The following STAC variants were observed in gnomAD, a reference collection of about 807,000 sequenced individuals.
STAC encodes SH3 and cysteine-rich domain-containing protein.
Under a neutral mutation model 48.8 loss-of-function variants are expected in STAC, and 43 were observed. That is an observed-to-expected ratio of 0.88 (90% CI 0.69 to 1.14). STAC has a LOEUF of 1.14. Among genes scored for constraint, STAC ranks in the 50% most tolerant of loss-of-function variants. The probability of loss-of-function intolerance (pLI) is 0.00; values close to 1 mark genes in which losing one functional copy is unlikely to be tolerated. For synonymous variants in STAC, 193 were observed against 179.5 expected, an observed-to-expected ratio of 1.07 and a Z score of -0.60; for missense variants, 497 against 504.0, an observed-to-expected ratio of 0.99 and a Z score of 0.13.
At chr3:36,485,391 A>C (rs1697776857) in intron 4 of STAC, among the ~76,000 whole-genome samples, 1 of 152,202 alleles carries the variant, frequency 6.6e-6, no homozygotes, top group African/African-American at 2.4e-5. Flanking sequence ...CCCTATTGAC[A>C]ACTGTGTGTC....
Position 36,546,508 on chromosome 3 carries a change from G to T in STAC, c.*219G>T. ...GCCACAGGTGGGGACGAGGCTGAGAGAGTCAGCAGGCAGAGCCAGATGCCA... is the reference window on the plus strand; with the variant it reads ...GCCACAGGTGGGGACGAGGCTGAGATAGTCAGCAGGCAGAGCCAGATGCCA... On this transcript the variant is annotated 3_prime_UTR_variant, in exon 11 of 11. Coordinates refer to ENST00000273183, the MANE Select transcript of STAC (RefSeq NM_003149.3). 1 of 566,570 alleles carries T rather than the reference G, an allele frequency of 1.8e-6. No individual in the cohort carries two copies. Among genetic ancestry groups the T allele is most frequent in the South Asian group, 2.4e-5 (1 of 40,824 alleles). The allele number at this position is 566,570 out of a possible 1,614,324, so 35.1% of individuals were successfully genotyped here.
At chr3:36,480,453 T>C (rs932691008) in intron 2 of STAC, among the ~76,000 whole-genome samples, 1 of 152,026 alleles carries the variant, frequency 6.6e-6, no homozygotes, top group Non-Finnish European at 1.5e-5. Flanking sequence ...TCCTGAAGGG[T>C]TTTAAACTCT....
intron 2 of STAC, among the ~76,000 whole-genome samples, chr3:36,466,614 G>A (rs1009631959): frequency 2.0e-5 from 3 of 151,302 alleles, no homozygotes; most frequent in African/African-American, 7.3e-5. Context: ...AGCTATTCTG[G>A]AATGGATTGA....
intron 8 of STAC, among the ~76,000 whole-genome samples, chr3:36,507,605 G>C (rs113568428): frequency 2.0e-5 from 3 of 152,076 alleles, no homozygotes; most frequent in Admixed American, 1.3e-4. Flanking sequence ...ACTTGTTATT[G>C]GTCTATTCAG....
At chr3:36,418,345 C>T (rs1202923145) in intron 1 of STAC, among the ~76,000 whole-genome samples, 1 of 152,070 alleles carries the variant, frequency 6.6e-6, no homozygotes, top group East Asian at 1.9e-4. Flanking sequence ...TTTTAATACC[C>T]TGAAACAGAA....
At chr3:36,515,734 T>C (rs572484255) in intron 8 of STAC, among the ~76,000 whole-genome samples, 1 of 152,192 alleles carries the variant, frequency 6.6e-6, no homozygotes, top group South Asian at 2.1e-4. Flanking sequence ...TTTCTAGTCT[T>C]GTCTTTGTCC....
chr3:36,516,386 T>C (rs1698674310), intron 8 of STAC, among the ~76,000 whole-genome samples: 1 of 152,066 alleles, frequency 6.6e-6, no homozygotes, highest in Non-Finnish European at 1.5e-5. Context: ...GGTGAGTGAA[T>C]ACTTTTCTTA....
At chr3:36,539,830 A>G (rs945055543) in intron 10 of STAC, among the ~76,000 whole-genome samples, 5 of 152,126 alleles carry the variant, frequency 3.3e-5, no homozygotes, top group African/African-American at 1.2e-4. Context: ...GTTTTATTGT[A>G]ATAGTCTTGG....
intron 5 of STAC, among the ~76,000 whole-genome samples, chr3:36,488,368 C>T (rs1697872550): frequency 6.6e-6 from 1 of 152,216 alleles, no homozygotes; most frequent in Non-Finnish European, 1.5e-5. Context: ...GCCACTCATG[C>T]TTGGGCAGTG....
At chr3:36,537,887 A>T (rs181807809) in intron 10 of STAC, among the ~76,000 whole-genome samples, 2 of 152,044 alleles carry the variant, frequency 1.3e-5, no homozygotes, top group African/African-American at 4.8e-5. Context: ...ATTTAAATTG[A>T]TGCATAGTTT....
At chr3:36,483,701 C>T (rs1697719224) in intron 3 of STAC, among the ~76,000 whole-genome samples, 1 of 152,084 alleles carries the variant, frequency 6.6e-6, no homozygotes, top group Non-Finnish European at 1.5e-5. Flanking sequence ...GCCTATAATC[C>T]CAACACTTTG....
chr3:36,431,148 G>C (rs1424750886), intron 1 of STAC, among the ~76,000 whole-genome samples: 1 of 152,116 alleles, frequency 6.6e-6, no homozygotes. Flanking sequence ...TCAGAATCTA[G>C]AGAGCTCTAT....
At chr3:36,407,378 T>C (rs1289245299) in intron 1 of STAC, among the ~76,000 whole-genome samples, 2 of 152,196 alleles carry the variant, frequency 1.3e-5, no homozygotes, top group African/African-American at 2.4e-5. Flanking sequence ...TATCATGCTT[T>C]ATATTTCTGG....
chr3:36,497,171 A>G (rs1698170973), intron 6 of STAC, among the ~76,000 whole-genome samples: 1 of 152,190 alleles, frequency 6.6e-6, no homozygotes, highest in Admixed American at 6.5e-5. Context: ...GTACCACTCC[A>G]GTGGATATTT....
chr3:36,461,922 A>G (rs1375474616), intron 2 of STAC, among the ~76,000 whole-genome samples: 3 of 152,166 alleles, frequency 2.0e-5, no homozygotes, highest in Non-Finnish European at 4.4e-5. Context: ...AGGGTAATTA[A>G]CAGGACATGG....
chr3:36,388,675 AT>A (rs1699676067), intron 1 of STAC, among the ~76,000 whole-genome samples: 1 of 151,942 alleles, frequency 6.6e-6, no homozygotes, highest in Non-Finnish European at 1.5e-5. Context: ...GAAGAAATCT[AT>A]TTTTTCCCAA....
At chr3:36,381,648 G>C (rs1362314212) in intron 1 of STAC, among the ~76,000 whole-genome samples, 2 of 152,190 alleles carry the variant, frequency 1.3e-5, no homozygotes, top group Non-Finnish European at 2.9e-5. Flanking sequence ...GAAAGGGGTT[G>C]CCAGTTTATA....
chr3:36,421,383 T>A (rs1198383304), intron 1 of STAC, among the ~76,000 whole-genome samples: 1 of 152,166 alleles, frequency 6.6e-6, no homozygotes, highest in East Asian at 1.9e-4. Flanking sequence ...TCCTAAATAA[T>A]CATCTATGAT....
intron 8 of STAC, among the ~76,000 whole-genome samples, chr3:36,520,276 A>C (rs1279163628): frequency 1.3e-5 from 2 of 152,228 alleles, no homozygotes; most frequent in African/African-American, 2.4e-5. Flanking sequence ...GGCTTCACCT[A>C]GACCTAGAGA....
Sources: allele counts gnomAD v4.1 joint callset (sites outside exome capture counted in the v4.1 genomes callset), GRCh38; gene constraint gnomAD v4.1.1; transcripts MANE v1.5; gene names NCBI Gene and HGNC (gene_info 2026-07-23, HGNC 2026-07-21).